Variants in TPST2 observed in about 807,000 individuals in gnomAD.
The protein encoded by TPST2 is protein-tyrosine sulfotransferase 2.
In TPST2, 16 loss-of-function variants were observed where a neutral mutation model predicts 27.8. That is an observed-to-expected ratio of 0.58 (90% CI 0.39 to 0.88). The LOEUF is 0.88. Among genes scored for constraint, TPST2 ranks in the 40% least tolerant of loss-of-function variants. The pLI is 0.00. For missense variants in TPST2, 464 were observed against 543.1 expected, an observed-to-expected ratio of 0.85 and a Z score of 1.45; for synonymous variants, 229 against 231.7, an observed-to-expected ratio of 0.99 and a Z score of 0.10.
At chr22:26,559,302 G>A (rs998094464) in intron 1 of TPST2, among the ~76,000 whole-genome samples, 1 of 152,250 alleles carries the variant, frequency 6.6e-6, no homozygotes, top group South Asian at 2.1e-4. Context: ...GGAGGCAGAG[G>A]CTGCAGTGAG....
chr22:26,555,438 C>A, intron 1 of TPST2: 1 of 354,934 alleles, frequency 2.8e-6, no homozygotes, highest in Non-Finnish European at 5.6e-6. Flanking sequence ...TGGCCTTGAG[C>A]CAGTGACTTC....
chr22:26,540,912 T>G lies in TPST2; in HGVS notation c.719A>C (p.Gln240Pro). Residue 240 changes from glutamine to proline, a missense_variant, in exon 3 of 7, where the codon CAG becomes CCG. By Grantham distance (76) the Gln-to-Pro change is moderately conservative. Coordinates refer to ENST00000338754, the MANE Select transcript of TPST2 (RefSeq NM_003595.5). Reference sequence around the variant, plus strand: ...TGAGCGCCTGGGGTGCAGCACCAGCTGCTCGTAGTACACAGGCAGGCACTT... The same window carrying G: ...TGAGCGCCTGGGGTGCAGCACCAGCGGCTCGTAGTACACAGGCAGGCACTT... The part of the protein sequence containing the change: ...KEKCLPVYYE[Q>P]LVLHPRRSLK... The G allele has an allele frequency of 6.2e-7, 1 of 1,614,210 alleles. No individual in the cohort carries two copies. Among genetic ancestry groups the G allele is most frequent in the Non-Finnish European group, 8.5e-7 (1 of 1,180,034 alleles).
intron 5 of TPST2, among the ~76,000 whole-genome samples, chr22:26,528,816 C>G (rs1373819275): frequency 6.6e-6 from 1 of 152,004 alleles, no homozygotes; most frequent in Non-Finnish European, 1.5e-5. Context: ...AACTCTGTCT[C>G]TACTAAAATA....
chr22:26,541,536 C>A lies in TPST2; in HGVS notation c.95G>T (p.Arg32Leu). ...GCTCCGCAGGCCCGCCAGCACCGCC[C>A]GGCACTCTAGCACCTGCTGTCCCAG... ...VQLGQQVLECRAVLAGLRSPR... is the reference protein window; with the variant it reads ...VQLGQQVLECLAVLAGLRSPR... Residue 32 changes from arginine to leucine, a missense_variant, in exon 3 of 7, where the codon CGG becomes CTG. Coordinates refer to ENST00000338754, the MANE Select transcript of TPST2 (RefSeq NM_003595.5). This position sits in a 1 kb window ranked among gnomAD's most constrained non-coding sequence, Gnocchi z 5.9. 6.2e-7 allele frequency: 1 copy of A among 1,611,644 alleles called. No homozygotes were observed. Among genetic ancestry groups the A allele is most frequent in the South Asian group, 1.1e-5 (1 of 90,942 alleles).
chr22:26,567,388 T>C (rs902082228), intron 1 of TPST2, among the ~76,000 whole-genome samples: 1 of 152,220 alleles, frequency 6.6e-6, no homozygotes, highest in Non-Finnish European at 1.5e-5. Context: ...TATACAGACC[T>C]GAGAAACAGG....
chr22:26,572,635 G>C (rs962820056), intron 1 of TPST2, among the ~76,000 whole-genome samples: 8 of 152,010 alleles, frequency 5.3e-5, no homozygotes, highest in African/African-American at 1.9e-4. Context: ...ACCCCGACTA[G>C]ATTAAGCTCT....
chr22:26,563,637 CTCT>C (rs1032535992), intron 1 of TPST2, among the ~76,000 whole-genome samples: 14 of 152,170 alleles, frequency 9.2e-5, no homozygotes, highest in African/African-American at 2.9e-4. Context: ...CCCTCCCTCC[CTCT>C]TCTTAATTGT....
chr22:26,540,247 T>C (rs938323749), intron 3 of TPST2, among the ~76,000 whole-genome samples: 1 of 152,200 alleles, frequency 6.6e-6, no homozygotes, highest in Non-Finnish European at 1.5e-5. Context: ...ATCCTTGTTC[T>C]GGAATCTGTG....
At chr22:26,573,831 C>T (rs910716277) in intron 1 of TPST2, among the ~76,000 whole-genome samples, 1 of 152,158 alleles carries the variant, frequency 6.6e-6, no homozygotes, top group African/African-American at 2.4e-5. Context: ...GTGCATACTA[C>T]GAATCCGGTT....
intron 1 of TPST2, among the ~76,000 whole-genome samples, chr22:26,557,877 T>C (rs745901082): frequency 6.0e-4 from 90 of 149,768 alleles, no homozygotes; most frequent in Non-Finnish European, 1.2e-3. Context: ...TAAAGCTCCA[T>C]CTCTACAAAA....
intron 1 of TPST2, among the ~76,000 whole-genome samples, chr22:26,571,400 G>A (rs1023608405): frequency 2.0e-5 from 3 of 150,956 alleles, no homozygotes; most frequent in Admixed American, 6.6e-5. Flanking sequence ...CCGCCAACAC[G>A]GCACTCCAGA....
At chr22:26,554,766 C>CG (rs934732792) in intron 1 of TPST2, among the ~76,000 whole-genome samples, 9 of 152,140 alleles carry the variant, frequency 5.9e-5, no homozygotes, top group African/African-American at 2.2e-4. Context: ...GGTGAAACCC[C>CG]GTCTCTGCCA....
In TPST2 at chr22:26,553,369, GTT is replaced by G. The variant is rs34711379; in HGVS notation, c.-160-8696_-160-8695del. On this transcript the variant is annotated intron_variant, in intron 1 of 6. Transcript: ENST00000338754. ...CAGAGAGGCTTGTGCATGCCTGGCAGTTTTTTTTTTTTTTTTTAAAGAGACAG... is the reference window on the plus strand; with the variant it reads ...CAGAGAGGCTTGTGCATGCCTGGCAGTTTTTTTTTTTTTTTAAAGAGACAG... Among the ~76,000 whole-genome samples the G allele has an allele frequency of 9.3e-4, 133 of 143,596 alleles. 1 individual carries two copies. The highest frequency in any genetic ancestry group is 1.5e-3 in the African/African-American group (59 of 39,084). 94.2% of individuals were successfully genotyped at this position (143,596 alleles called of 152,430 possible).
In TPST2 at chr22:26,582,566, G is replaced by A. The variant is rs565449413; in HGVS notation, c.-161+7487C>T. ...GCTGACATCTCACGTCAGAGATGTG[G>A]GTTACTTTTTCTTGCCTGATGCCTC... is the stretch of plus-strand genomic sequence containing the variant. On this transcript the variant is annotated intron_variant, in intron 1 of 6. Transcript: ENST00000338754. 2.6e-5 allele frequency among the ~76,000 whole-genome samples: 4 copies of A among 152,256 alleles called. No homozygotes were observed. In the East Asian group the frequency reaches 7.7e-4, roughly 29 times the overall value.
Position 26,522,023 on chromosome 22 carries a change from A to G in TPST2, c.*4252T>C, listed in dbSNP as rs946069341. On this transcript the variant is annotated 3_prime_UTR_variant, in exon 7 of 7. Coordinates refer to ENST00000338754, the MANE Select transcript of TPST2 (RefSeq NM_003595.5). ...GGTTCATCACAACCTTTTATTTCAC[A>G]ATATTAATAGTAATCATTATAGCTA... 6.6e-6 allele frequency: 1 copy of G among 152,164 alleles called. No individual in the cohort carries two copies. 9.4% of individuals were successfully genotyped at this position (152,164 alleles called of 1,614,324 possible).
intron 4 of TPST2, among the ~76,000 whole-genome samples, chr22:26,533,256 T>C (rs964478474): frequency 6.6e-6 from 1 of 151,912 alleles, no homozygotes; most frequent in African/African-American, 2.4e-5. Context: ...TTCTAAAAAA[T>C]TAAAAATTAG....
intron 1 of TPST2, among the ~76,000 whole-genome samples, chr22:26,570,979 C>T (rs1315999842): frequency 2.0e-5 from 3 of 152,216 alleles, no homozygotes; most frequent in Non-Finnish European, 2.9e-5. Flanking sequence ...TCATCACTAG[C>T]TTCCCTGATT....
At chr22:26,587,530 G>A (rs888020151) in intron 1 of TPST2, among the ~76,000 whole-genome samples, 1 of 152,152 alleles carries the variant, frequency 6.6e-6, no homozygotes, top group Non-Finnish European at 1.5e-5. Flanking sequence ...TAGTAGAGAC[G>A]GGGTTTCACC....
chr22:26,530,774 C>A (rs953708779), intron 5 of TPST2, among the ~76,000 whole-genome samples: 1 of 152,070 alleles, frequency 6.6e-6, no homozygotes, highest in Non-Finnish European at 1.5e-5. Context: ...TTTTGGGAGG[C>A]CGAGGTGGGT....
Sources: allele counts gnomAD v4.1 joint callset (sites outside exome capture counted in the v4.1 genomes callset), GRCh38; gene constraint gnomAD v4.1.1; non-coding constraint Gnocchi (gnomAD v3.1); transcripts MANE v1.5; gene names NCBI Gene and HGNC (gene_info 2026-07-23, HGNC 2026-07-21).